Variants in LINGO2 observed in about 807,000 individuals in gnomAD.
LINGO2 encodes the protein leucine rich repeat and Ig domain containing 2.
A neutral mutation model predicts 30.6 loss-of-function variants in LINGO2; 14 were observed. The observed-to-expected ratio is 0.46, with a 90% CI of 0.30 to 0.72. The LOEUF is 0.72. LINGO2 is among the 30% of genes least tolerant of loss of function. The pLI is 0.07. For missense variants in LINGO2, 729 were observed against 751.7 expected (o/e 0.97, Z 0.35); for synonymous variants, 317 against 288.5 (o/e 1.10, Z -1.00).
the LINGO2 span, among the ~76,000 whole-genome samples, chr9:28,856,171 G>T: frequency 6.6e-6 from 1 of 151,988 alleles, no homozygotes; most frequent in East Asian, 1.9e-4. Context: ...GATATTGGGA[G>T]AACACAATTT....
At chr9:28,677,686 C>T in the LINGO2 span, among the ~76,000 whole-genome samples, 1 of 152,272 alleles carries the variant, frequency 6.6e-6, no homozygotes, top group South Asian at 2.1e-4. Context: ...TGCCCATATT[C>T]ATATTCATTA....
chr9:28,607,636 G>T (rs75622023), intron 1 of LINGO2, among the ~76,000 whole-genome samples: 3 of 151,894 alleles, frequency 2.0e-5, no homozygotes, highest in Non-Finnish European at 4.4e-5. Context: ...TGATCAGAAA[G>T]ATGACCACCA....
the LINGO2 span, among the ~76,000 whole-genome samples, chr9:29,185,614 T>C: frequency 6.6e-6 from 1 of 152,198 alleles, no homozygotes. Context: ...ATCTCTCCTT[T>C]TAATTTAGAC....
chr9:28,320,456 G>A (rs977382254), intron 3 of LINGO2, among the ~76,000 whole-genome samples: 6 of 152,174 alleles, frequency 3.9e-5, no homozygotes, highest in South Asian at 2.1e-4. Flanking sequence ...GACAATTTCA[G>A]TAGTTATATT....
the LINGO2 span, among the ~76,000 whole-genome samples, chr9:29,028,899 C>T: frequency 6.6e-6 from 1 of 152,238 alleles, no homozygotes; most frequent in African/African-American, 2.4e-5. Context: ...CTCAGAAAAA[C>T]CACAGATTTC....
the LINGO2 span, among the ~76,000 whole-genome samples, chr9:28,810,336 A>C: frequency 2.0e-5 from 3 of 152,182 alleles, no homozygotes; most frequent in African/African-American, 7.2e-5. Flanking sequence ...TTAAAATTAA[A>C]CTATTATCTG....
the LINGO2 span, among the ~76,000 whole-genome samples, chr9:28,819,639 G>C: frequency 1.3e-5 from 2 of 152,062 alleles, no homozygotes; most frequent in Non-Finnish European, 2.9e-5. Context: ...TTTTTCACTA[G>C]ACTGCAAGGG....
At chr9:28,089,657 A>T (rs559751540) in intron 4 of LINGO2, among the ~76,000 whole-genome samples, 1 of 152,354 alleles carries the variant, frequency 6.6e-6, no homozygotes, top group South Asian at 2.1e-4. Flanking sequence ...GAAAAGAACT[A>T]GAGAAGCAAG....
In LINGO2 at chr9:28,184,964, A is replaced by G. The variant is rs59720323; in HGVS notation, c.-87+110244T>C. Among the ~76,000 whole-genome samples the G allele has an allele frequency of 6.8e-3, 1,032 of 151,574 alleles. 16 individuals carry two copies. The highest frequency in any genetic ancestry group is 0.023 in the African/African-American group (953 of 41,386). On this transcript the variant is annotated intron_variant, in intron 4 of 5. Coordinates refer to ENST00000379992, the Ensembl canonical transcript of LINGO2. ...AAAACAAAACACAACAAAACAAAAC[A>G]AAAAAAAATCTTCTTCCAAAACTTC...
intron 4 of LINGO2, among the ~76,000 whole-genome samples, chr9:28,234,513 C>T (rs1821488166): frequency 6.6e-6 from 1 of 152,318 alleles, no homozygotes; most frequent in Admixed American, 6.5e-5. Flanking sequence ...GGCAGACCCA[C>T]TCTCAATCTA....
intron 4 of LINGO2, among the ~76,000 whole-genome samples, chr9:28,244,250 AGAAATCAAGAAGTTCTTT>A (rs1821915837): frequency 6.6e-6 from 1 of 152,356 alleles, no homozygotes; most frequent in African/African-American, 2.4e-5. Flanking sequence ...AAATTAAGGC[AGAAATCAAGAAGTTCTTT>A]GAAACCAATG....
At position 27,994,429 on chromosome 9, in the gene LINGO2, G is replaced by A. The variant is rs184118871; in HGVS notation, c.-36+17926C>T. Among the ~76,000 whole-genome samples, 1,307 of 152,240 alleles carry A rather than the reference G, an allele frequency of 8.6e-3. 100 individuals carry two copies. In the East Asian group the frequency reaches 0.17, roughly 20 times the overall value. Reference sequence around the variant, plus strand: ...GAACCAAATAAGTAAAATTGTTAGAGTAGGCAGATAGGTAGACATGAGCAG... The same window carrying A: ...GAACCAAATAAGTAAAATTGTTAGAATAGGCAGATAGGTAGACATGAGCAG... On this transcript the variant is annotated intron_variant, in intron 5 of 5. Transcript: ENST00000379992.
chr9:29,101,141 A>T, the LINGO2 span, among the ~76,000 whole-genome samples: 1 of 152,172 alleles, frequency 6.6e-6, no homozygotes, highest in African/African-American at 2.4e-5. Context: ...AGGTCATTTA[A>T]TTTATTAGGG....
At chr9:29,005,359 G>T in the LINGO2 span, among the ~76,000 whole-genome samples, 1 of 151,720 alleles carries the variant, frequency 6.6e-6, no homozygotes, top group African/African-American at 2.4e-5. Context: ...AACCAGAGAA[G>T]ATACATAGAT....
chr9:28,043,477 T>C (rs1824282700), intron 4 of LINGO2, among the ~76,000 whole-genome samples: 1 of 152,228 alleles, frequency 6.6e-6, no homozygotes, highest in African/African-American at 2.4e-5. Flanking sequence ...GTTGAGAGAC[T>C]GGAAACAAAT....
intron 4 of LINGO2, among the ~76,000 whole-genome samples, chr9:28,195,620 T>C (rs1655079496): frequency 6.6e-6 from 1 of 151,324 alleles, no homozygotes; most frequent in African/African-American, 2.4e-5. Context: ...AAACAGATGA[T>C]TTTCTAAGAA....
chr9:28,999,667 A>C, the LINGO2 span, among the ~76,000 whole-genome samples: 1 of 152,016 alleles, frequency 6.6e-6, no homozygotes, highest in South Asian at 2.1e-4. Context: ...CTATTTCTGA[A>C]TGTTTGATAC....
At chr9:28,632,688 A>G (rs1047036269) in intron 1 of LINGO2, among the ~76,000 whole-genome samples, 1 of 96,436 alleles carries the variant, frequency 1.0e-5, no homozygotes, top group Non-Finnish European at 2.2e-5. Flanking sequence ...ATAAAAATAT[A>G]TTTATATAGA....
chr9:29,042,916 C>T, the LINGO2 span, among the ~76,000 whole-genome samples: 6 of 151,692 alleles, frequency 4.0e-5, no homozygotes, highest in Admixed American at 6.6e-5. Flanking sequence ...GTCATTGCCA[C>T]GGGATGCAAT....
Sources: allele counts gnomAD v4.1 joint callset (sites outside exome capture counted in the v4.1 genomes callset), GRCh38; gene constraint gnomAD v4.1.1; transcripts MANE v1.5; gene names NCBI Gene and HGNC (gene_info 2026-07-23, HGNC 2026-07-21).